The following TMPRSS11D variants were observed in gnomAD, a reference collection of about 807,000 sequenced individuals.
The protein encoded by TMPRSS11D is transmembrane serine protease 11D.
In TMPRSS11D, 32 loss-of-function variants were observed where a neutral mutation model predicts 44.4. The observed-to-expected ratio is 0.72, with a 90% CI of 0.54 to 0.97. The LOEUF (loss-of-function observed/expected upper bound fraction) is 0.97, where lower values mean the gene tolerates loss of function less well. Among genes scored for constraint, TMPRSS11D ranks in the 50% least tolerant of loss-of-function variants. TMPRSS11D has a pLI of 0.00. For synonymous variants in TMPRSS11D, 179 were observed against 177.9 expected (o/e 1.01, Z -0.05); for missense variants, 446 against 502.6 (o/e 0.89, Z 1.08).
intron 1 of TMPRSS11D, among the ~76,000 whole-genome samples, chr4:67,873,133 A>G (rs1213006079): frequency 6.6e-6 from 1 of 152,202 alleles, no homozygotes; most frequent in Non-Finnish European, 1.5e-5. Flanking sequence ...CAAAAAGCCA[A>G]TTGCTCTTTG....
intron 1 of TMPRSS11D, among the ~76,000 whole-genome samples, chr4:67,862,538 C>T (rs1357159283): frequency 6.6e-6 from 1 of 152,044 alleles, no homozygotes; most frequent in Non-Finnish European, 1.5e-5. Flanking sequence ...CAGCCCAGAC[C>T]TCTCTCTTTG....
intron 5 of TMPRSS11D, among the ~76,000 whole-genome samples, chr4:67,837,298 C>T (rs1291330184): frequency 6.6e-6 from 1 of 152,118 alleles, no homozygotes; most frequent in Non-Finnish European, 1.5e-5. Context: ...TGCAATCAGG[C>T]CATGGAGTTG....
intron 4 of TMPRSS11D, among the ~76,000 whole-genome samples, chr4:67,841,432 C>G (rs1489550115): frequency 6.6e-6 from 1 of 152,114 alleles, no homozygotes; most frequent in Non-Finnish European, 1.5e-5. Context: ...AGTGACAGGC[C>G]AACAGGACCA....
chr4:67,848,456 T>C (rs1235564907), intron 3 of TMPRSS11D, among the ~76,000 whole-genome samples: 1 of 152,198 alleles, frequency 6.6e-6, no homozygotes, highest in African/African-American at 2.4e-5. Context: ...AATACAACGA[T>C]GGATAGAAAA....
chr4:67,869,632 A>C (rs1162584211), intron 1 of TMPRSS11D, among the ~76,000 whole-genome samples: 2 of 152,240 alleles, frequency 1.3e-5, no homozygotes, highest in African/African-American at 4.8e-5. Flanking sequence ...ATAGAAAAGA[A>C]GGAAATATGA....
chr4:67,872,870 G>A (rs1005414562), intron 1 of TMPRSS11D, among the ~76,000 whole-genome samples: 6 of 152,272 alleles, frequency 3.9e-5, no homozygotes, highest in Non-Finnish European at 7.4e-5. Context: ...ACACATCAGA[G>A]TTTTGAAATG....
chr4:67,856,853 A>G lies in TMPRSS11D; in HGVS notation c.131-2667T>C, dbSNP rs369728883. ...GAGCGAACAGTTCTCAAAATAAGACATACAAATCATCAACAGGTACATGAA... is the reference window on the plus strand; with the variant it reads ...GAGCGAACAGTTCTCAAAATAAGACGTACAAATCATCAACAGGTACATGAA... On this transcript the variant is annotated intron_variant, in intron 2 of 9. Transcript: ENST00000283916. 1.6e-3 allele frequency among the ~76,000 whole-genome samples: 250 copies of G among 152,300 alleles called. 7 individuals are homozygous for G. In the South Asian group the frequency reaches 0.051, roughly 31 times the overall value.
At chr4:67,866,493 G>A (rs1016608691) in intron 1 of TMPRSS11D, among the ~76,000 whole-genome samples, 2 of 151,734 alleles carry the variant, frequency 1.3e-5, no homozygotes, top group Non-Finnish European at 3.0e-5. Context: ...AAGTCGTAAA[G>A]AGCTATCAGG....
intron 7 of TMPRSS11D, among the ~76,000 whole-genome samples, chr4:67,828,126 A>G (rs185950405): frequency 2.0e-5 from 3 of 151,974 alleles, no homozygotes; most frequent in Non-Finnish European, 4.4e-5. Flanking sequence ...TAAACAAACT[A>G]TGCATGGATT....
chr4:67,829,416 A>C (rs914944327), intron 7 of TMPRSS11D, among the ~76,000 whole-genome samples: 5 of 150,538 alleles, frequency 3.3e-5, no homozygotes, highest in African/African-American at 4.9e-5. Flanking sequence ...ACCTATATAC[A>C]TAGGGGGAGA....
rs747264945 is a variant in TMPRSS11D at position 67,825,758 on chromosome 4, G to A, written c.1069C>T (p.Pro357Ser). Residue 357 changes from proline to serine, a missense_variant, in exon 9 of 10, where the codon CCT becomes TCT. Coordinates refer to ENST00000283916, the MANE Select transcript of TMPRSS11D (RefSeq NM_004262.3). ...TGACATGCGTCCACTCCACCTTGAG[G>A]TACTCCAGCACACAGCATTCCAGAC... ...ILSGMLCAGV[P>S]QGGVDACQGD... is the part of the protein sequence containing the mutation. The A allele has an allele frequency of 1.9e-6, 3 of 1,612,838 alleles. No homozygotes were observed. The highest frequency in any genetic ancestry group is 3.3e-5 in the Admixed American group (2 of 59,792).
chr4:67,851,730 G>A (rs1718514995), intron 3 of TMPRSS11D, among the ~76,000 whole-genome samples: 4 of 152,148 alleles, frequency 2.6e-5, no homozygotes, highest in Admixed American at 1.3e-4. Flanking sequence ...TTTCATTTCG[G>A]TTTCCTCTTC....
At chr4:67,824,027 G>A (rs1056298171) in intron 9 of TMPRSS11D, among the ~76,000 whole-genome samples, 1 of 151,884 alleles carries the variant, frequency 6.6e-6, no homozygotes, top group Admixed American at 6.6e-5. Context: ...ACACAACGTC[G>A]GGTGCATAGA....
At chr4:67,844,487 A>T (rs2109674919) in intron 3 of TMPRSS11D, among the ~76,000 whole-genome samples, 1 of 152,182 alleles carries the variant, frequency 6.6e-6, no homozygotes, top group Admixed American at 6.5e-5. Context: ...GAAAGCAAAA[A>T]GTCAGGCCAG....
Position 67,821,945 on chromosome 4 carries a change from G to GAAACC in TMPRSS11D, c.*391_*392insGGTTT, listed in dbSNP as rs1717652476. 6.4e-6 allele frequency: 1 copy of GAAACC among 157,400 alleles called. No individual in the cohort carries two copies. The highest frequency in any genetic ancestry group is 2.0e-4 in the South Asian group (1 of 4,996). 9.8% of individuals were successfully genotyped at this position (157,400 alleles called of 1,614,324 possible). On this transcript the variant is annotated 3_prime_UTR_variant, in exon 10 of 10. Transcript: ENST00000283916. ...TTTCCTTTGCATGTTTCCACAGTTT[G>GAAACC]CTTACTTCTCATCCTCAGTGAAACC...
rs781682175 is a variant in TMPRSS11D at position 67,825,858 on chromosome 4, C to T, written c.969G>A (p.Glu323=). The change falls in exon 9 of 10, where the codon GAG becomes GAA. Residue 323 remains glutamate, a synonymous_variant. Transcript: ENST00000283916. ...AQEYAGHTVP[E]LRQGQVRIIS... ...TTATTCTGACCTGTCCTTGCCTTAG[C>T]TCTGGAACTGTGTGGCCTGTTTGTT... 41 of 1,611,702 alleles carry T rather than the reference C, an allele frequency of 2.5e-5. 1 individual carries two copies. In the South Asian group the frequency reaches 4.4e-4, roughly 17 times the overall value.
intron 1 of TMPRSS11D, among the ~76,000 whole-genome samples, chr4:67,876,328 T>A (rs960068287): frequency 6.6e-6 from 1 of 152,170 alleles, no homozygotes; most frequent in Admixed American, 6.5e-5. Flanking sequence ...ACTTAGATTC[T>A]GTTGTATGTT....
chr4:67,837,594 T>C (rs1718123134), intron 5 of TMPRSS11D, among the ~76,000 whole-genome samples: 1 of 152,146 alleles, frequency 6.6e-6, no homozygotes, highest in South Asian at 2.1e-4. Context: ...CCTTAAATTC[T>C]ATGCATATAT....
intron 6 of TMPRSS11D, 190 bp from the exon 7 acceptor site, chr4:67,833,571 G>A: frequency 2.2e-6 from 1 of 445,508 alleles, no homozygotes; most frequent in Non-Finnish European, 3.7e-6. Flanking sequence ...CTTATAGATA[G>A]CATTTTGGAG....
Sources: gnomAD v4.1 joint callset for allele counts (sites outside exome capture counted in the v4.1 genomes callset) on GRCh38, gnomAD v4.1.1 for gene constraint, MANE v1.5 for transcripts, NCBI Gene and HGNC (gene_info 2026-07-23, HGNC 2026-07-21) for gene names.